The following EYS variants were observed in gnomAD, a reference collection of about 807,000 sequenced individuals.
EYS encodes protein eyes shut homolog.
A neutral mutation model predicts 282.1 loss-of-function variants in EYS; 250 were observed. The observed-to-expected ratio is 0.89, with a 90% confidence interval of 0.80 to 0.98. The LOEUF is 0.98. Among genes scored for constraint, EYS ranks in the 50% least tolerant of loss-of-function variants. EYS has a pLI of 0.00. For synonymous variants in EYS, 1,355 were observed against 1,282.9 expected (o/e 1.06, Z -1.20); for missense variants, 4,016 against 3,709.0 (o/e 1.08, Z -2.15).
At chr6:64,575,461 A>G (rs890249151) in intron 26 of EYS, among the ~76,000 whole-genome samples, 7 of 152,168 alleles carry the variant, frequency 4.6e-5, no homozygotes, top group African/African-American at 1.7e-4. Context: ...AGGAAGGAAG[A>G]GACAGCTTCA....
chr6:64,769,801 C>A (rs1322550380), intron 22 of EYS, among the ~76,000 whole-genome samples: 1 of 151,698 alleles, frequency 6.6e-6, no homozygotes, highest in African/African-American at 2.4e-5. Flanking sequence ...AGCTAAAGGA[C>A]CAGCATTGGT....
intron 2 of EYS, among the ~76,000 whole-genome samples, chr6:65,633,380 T>C (rs996308784): frequency 3.2e-4 from 49 of 152,212 alleles, no homozygotes; most frequent in African/African-American, 9.4e-4. Flanking sequence ...GAATGCATTT[T>C]GTGCCAAGTC....
intron 2 of EYS, among the ~76,000 whole-genome samples, chr6:65,538,227 G>A (rs1319150640): frequency 6.6e-6 from 1 of 152,046 alleles, no homozygotes; most frequent in Non-Finnish European, 1.5e-5. Context: ...AATGTCTTTA[G>A]GAGAATTAAG....
chr6:64,853,129 T>G (rs1054483931), intron 19 of EYS, among the ~76,000 whole-genome samples: 12 of 152,138 alleles, frequency 7.9e-5, no homozygotes, highest in Non-Finnish European at 1.3e-4. Context: ...ATATCTCTCC[T>G]AAAGATCCTT....
chr6:65,324,722 C>G (rs1269558279), intron 11 of EYS, among the ~76,000 whole-genome samples: 1 of 152,220 alleles, frequency 6.6e-6, no homozygotes, highest in Non-Finnish European at 1.5e-5. Context: ...TCAGAGGACC[C>G]TGGCTCTGCT....
At chr6:65,264,891 CTTA>C (rs1337479748) in intron 12 of EYS, among the ~76,000 whole-genome samples, 8 of 150,962 alleles carry the variant, frequency 5.3e-5, no homozygotes, top group Admixed American at 4.0e-4. Flanking sequence ...GTAGATATAT[CTTA>C]TTCTATTTAT....
intron 2 of EYS, among the ~76,000 whole-genome samples, chr6:65,517,739 A>G (rs1160749816): frequency 6.6e-6 from 1 of 152,102 alleles, no homozygotes; most frequent in Non-Finnish European, 1.5e-5. Flanking sequence ...AGGTAAGTAC[A>G]GGCATACAGG....
At chr6:64,100,390 T>A (rs1184699169) in intron 31 of EYS, among the ~76,000 whole-genome samples, 1 of 152,214 alleles carries the variant, frequency 6.6e-6, no homozygotes, top group Non-Finnish European at 1.5e-5. Context: ...TGCTTGTTTT[T>A]CAATTTCCTA....
chr6:64,606,347 T>G (rs1221977149), intron 24 of EYS, among the ~76,000 whole-genome samples: 1 of 152,006 alleles, frequency 6.6e-6, no homozygotes. Flanking sequence ...CTATATAGAC[T>G]ATTACTTGAG....
At chr6:64,262,505 C>T (rs577901733) in intron 30 of EYS, among the ~76,000 whole-genome samples, 16 of 151,918 alleles carry the variant, frequency 1.1e-4, no homozygotes, top group East Asian at 1.9e-4. Flanking sequence ...ACGTTCCCTA[C>T]GTTATATGAA....
chr6:65,525,645 A>G (rs959328910), intron 2 of EYS, among the ~76,000 whole-genome samples: 10 of 152,232 alleles, frequency 6.6e-5, no homozygotes, highest in Admixed American at 1.3e-4. Flanking sequence ...ACGGCATTTG[A>G]CATGAAATAA....
intron 1 of EYS, among the ~76,000 whole-genome samples, chr6:65,646,551 A>G (rs1010210864): frequency 2.0e-5 from 3 of 152,192 alleles, no homozygotes; most frequent in Non-Finnish European, 4.4e-5. Context: ...TCTATGACAT[A>G]CCCACAGCCA....
chr6:65,118,609 C>G (rs1269256661), intron 12 of EYS, among the ~76,000 whole-genome samples: 1 of 152,174 alleles, frequency 6.6e-6, no homozygotes, highest in African/African-American at 2.4e-5. Context: ...CCTGTGATTG[C>G]TGTGAATTGT....
At chr6:64,543,654 A>G (rs1764756955) in intron 26 of EYS, among the ~76,000 whole-genome samples, 1 of 152,168 alleles carries the variant, frequency 6.6e-6, no homozygotes. Context: ...TTTACCAAAC[A>G]CTATTTGCAA....
intron 19 of EYS, among the ~76,000 whole-genome samples, chr6:64,853,383 T>C (rs1032045358): frequency 3.9e-5 from 6 of 152,120 alleles, no homozygotes; most frequent in Admixed American, 6.6e-5. Context: ...TTAGATAATT[T>C]TGTGTCCAGG....
At chr6:65,129,885 T>C (rs555722967) in intron 12 of EYS, among the ~76,000 whole-genome samples, 2 of 151,992 alleles carry the variant, frequency 1.3e-5, no homozygotes, top group South Asian at 2.1e-4. Context: ...TTATTCACAA[T>C]ATTAAAGCCA....
At chr6:65,130,638 G>T (rs1005362164) in intron 12 of EYS, among the ~76,000 whole-genome samples, 5 of 151,562 alleles carry the variant, frequency 3.3e-5, no homozygotes, top group African/African-American at 1.2e-4. Flanking sequence ...CAACACACAG[G>T]GGGCCTATCA....
chr6:64,928,264 T>A (rs1214137417), intron 15 of EYS, among the ~76,000 whole-genome samples: 2 of 152,096 alleles, frequency 1.3e-5, no homozygotes, highest in South Asian at 2.1e-4. Context: ...ATCATTTTTT[T>A]AAGAACTTAA....
chr6:64,082,202 A>G (rs1771996109), intron 31 of EYS, among the ~76,000 whole-genome samples, 200 bp from the exon 32 acceptor site: 1 of 152,156 alleles, frequency 6.6e-6, no homozygotes, highest in Admixed American at 6.5e-5. Flanking sequence ...ACCAGTACAG[A>G]GGAAAAGACT....
Sources: gnomAD v4.1 joint callset for allele counts (sites outside exome capture counted in the v4.1 genomes callset) on GRCh38, gnomAD v4.1.1 for gene constraint, MANE v1.5 for transcripts, NCBI Gene and HGNC (gene_info 2026-07-23, HGNC 2026-07-21) for gene names.